Variants in ATG10 observed in about 807,000 individuals in gnomAD.
The protein encoded by ATG10 is autophagy related 10.
A neutral mutation model predicts 32.1 loss-of-function variants in ATG10; 30 were observed. The ratio of observed to expected loss-of-function variants is 0.94; its 90% CI spans 0.70 to 1.27. The LOEUF is 1.27. Among genes scored for constraint, ATG10 ranks in the 50% most tolerant of loss-of-function variants. The pLI is 0.00. For synonymous variants in ATG10, 87 were observed against 91.5 expected (o/e 0.95, Z 0.28); for missense variants, 233 against 262.3 (o/e 0.89, Z 0.77).
chr5:81,978,742 C>G (rs1003036040), intron 1 of ATG10, among the ~76,000 whole-genome samples: 11 of 152,006 alleles, frequency 7.2e-5, no homozygotes, highest in Admixed American at 4.6e-4. Flanking sequence ...CTCACTGCAA[C>G]CTTGAATTCC....
intron 5 of ATG10, among the ~76,000 whole-genome samples, chr5:82,196,556 G>C (rs140889797): frequency 1.3e-5 from 2 of 152,030 alleles, no homozygotes; most frequent in African/African-American, 4.8e-5. Context: ...ACTTATTTTT[G>C]TATGTAGCAA....
chr5:82,159,752 A>G (rs1743230913), intron 3 of ATG10, among the ~76,000 whole-genome samples: 3 of 151,986 alleles, frequency 2.0e-5, no homozygotes, highest in Non-Finnish European at 4.4e-5. Context: ...TATTAACATG[A>G]TCCCTCTGTC....
chr5:82,203,732 C>G (rs905973358), intron 5 of ATG10, among the ~76,000 whole-genome samples: 1 of 151,622 alleles, frequency 6.6e-6, no homozygotes, highest in African/African-American at 2.4e-5. Context: ...TCTGTTTGTT[C>G]TGTCTTTTTG....
intron 3 of ATG10, among the ~76,000 whole-genome samples, chr5:82,084,739 A>G (rs1764610112): frequency 6.6e-6 from 1 of 152,236 alleles, no homozygotes; most frequent in Non-Finnish European, 1.5e-5. Flanking sequence ...ACTAAGCTTC[A>G]TAAGTGAAGG....
At chr5:82,113,371 C>T (rs1225476984) in intron 3 of ATG10, among the ~76,000 whole-genome samples, 3 of 151,806 alleles carry the variant, frequency 2.0e-5, no homozygotes, top group Admixed American at 1.3e-4. Context: ...ACTAAAAAGG[C>T]TTTAAAATAG....
chr5:82,187,666 A>G (rs960231034), intron 5 of ATG10, among the ~76,000 whole-genome samples: 7 of 151,340 alleles, frequency 4.6e-5, no homozygotes, highest in South Asian at 2.1e-4. Flanking sequence ...GCTCACTGCA[A>G]TCTCTGCTTC....
At chr5:82,113,251 G>A (rs1018158942) in intron 3 of ATG10, among the ~76,000 whole-genome samples, 3 of 151,926 alleles carry the variant, frequency 2.0e-5, no homozygotes, top group East Asian at 1.9e-4. Context: ...GCTTGCCAAA[G>A]AGCATGTGAG....
chr5:82,085,053 C>T (rs1477580211), intron 3 of ATG10, among the ~76,000 whole-genome samples: 2 of 152,102 alleles, frequency 1.3e-5, no homozygotes, highest in Non-Finnish European at 2.9e-5. Context: ...GATAAAGAAT[C>T]AAGACCCATT....
At chr5:82,082,915 A>C (rs887750182) in intron 3 of ATG10, among the ~76,000 whole-genome samples, 4 of 152,216 alleles carry the variant, frequency 2.6e-5, no homozygotes, top group African/African-American at 4.8e-5. Flanking sequence ...TCCATTCTGC[A>C]GCTCCCAGCG....
At chr5:82,047,294 C>T (rs1255483067) in intron 2 of ATG10, among the ~76,000 whole-genome samples, 3 of 151,708 alleles carry the variant, frequency 2.0e-5, no homozygotes, top group Admixed American at 6.6e-5. Flanking sequence ...AAATTGAGAA[C>T]TCAAAATGGG....
chr5:82,025,382 G>T (rs987678266), intron 2 of ATG10, among the ~76,000 whole-genome samples: 1 of 152,158 alleles, frequency 6.6e-6, no homozygotes, highest in Non-Finnish European at 1.5e-5. Context: ...TACTCTATGG[G>T]TTCTGCTTAT....
intron 5 of ATG10, among the ~76,000 whole-genome samples, chr5:82,236,998 C>CT (rs1219718982): frequency 1.3e-5 from 2 of 152,038 alleles, no homozygotes; most frequent in Non-Finnish European, 2.9e-5. Context: ...TCTTTCCCCC[C>CT]TTTTTTTCCC....
chr5:82,185,848 T>G (rs889990398), intron 5 of ATG10, among the ~76,000 whole-genome samples: 1 of 152,224 alleles, frequency 6.6e-6, no homozygotes, highest in Admixed American at 6.5e-5. Flanking sequence ...AGTGATTGGC[T>G]TTCTTCTGAA....
intron 4 of ATG10, among the ~76,000 whole-genome samples, chr5:82,165,770 A>G (rs1047923420): frequency 6.6e-6 from 1 of 152,224 alleles, no homozygotes; most frequent in East Asian, 1.9e-4. Context: ...GAGCTGTGCT[A>G]TACTAAAAAG....
intron 3 of ATG10, among the ~76,000 whole-genome samples, chr5:82,107,990 T>C (rs916554238): frequency 6.6e-6 from 1 of 152,008 alleles, no homozygotes; most frequent in Non-Finnish European, 1.5e-5. Context: ...GGCCTGAGGC[T>C]AGATAGAACC....
intron 4 of ATG10, among the ~76,000 whole-genome samples, chr5:82,175,700 C>G (rs965771995): frequency 6.6e-6 from 1 of 152,164 alleles, no homozygotes; most frequent in Non-Finnish European, 1.5e-5. Context: ...CTCCCTGGAA[C>G]GCTGTGCCTC....
At chr5:82,033,494 C>T (rs1762802072) in intron 2 of ATG10, among the ~76,000 whole-genome samples, 1 of 152,070 alleles carries the variant, frequency 6.6e-6, no homozygotes, top group Non-Finnish European at 1.5e-5. Context: ...CACACCACCA[C>T]ACCTGGCTAT....
chr5:81,979,568 C>G (rs1242347768), intron 1 of ATG10, among the ~76,000 whole-genome samples: 1 of 152,048 alleles, frequency 6.6e-6, no homozygotes, highest in Non-Finnish European at 1.5e-5. Context: ...GTTATAGATG[C>G]TAAGATACGA....
At chr5:82,131,753 G>C (rs1043793198) in intron 3 of ATG10, among the ~76,000 whole-genome samples, 1 of 151,360 alleles carries the variant, frequency 6.6e-6, no homozygotes, top group Admixed American at 6.6e-5. Flanking sequence ...AATTAGTTTT[G>C]TTAGTCTGTT....
Sources: gnomAD v4.1 joint callset for allele counts (sites outside exome capture counted in the v4.1 genomes callset) on GRCh38, gnomAD v4.1.1 for gene constraint, MANE v1.5 for transcripts, NCBI Gene and HGNC (gene_info 2026-07-23, HGNC 2026-07-21) for gene names.